Variants in TBKBP1 observed in about 807,000 individuals in gnomAD.
TBKBP1 encodes TBK1 binding protein 1, also known as TANK-binding kinase 1-binding protein 1.
A neutral mutation model predicts 69.9 loss-of-function variants in TBKBP1; 47 were observed. The observed-to-expected ratio is 0.67, with a 90% confidence interval of 0.53 to 0.86. TBKBP1 has a LOEUF of 0.86. Among genes scored for constraint, TBKBP1 ranks in the 40% least tolerant of loss-of-function variants. The pLI, the probability that TBKBP1 is intolerant of heterozygous loss-of-function variation, is 0.00. For missense variants in TBKBP1, 831 were observed against 858.6 expected (o/e 0.97, Z 0.40); for synonymous variants, 418 against 390.3 (o/e 1.07, Z -0.84).
Position 47,697,204 on chromosome 17 carries a change from G to C in TBKBP1, c.453+11G>C, listed in dbSNP as rs374102880. 13 of 1,607,610 alleles carry C rather than the reference G, an allele frequency of 8.1e-6. No homozygotes were observed. The African/African-American group carries it at 1.6e-4, about 20-fold the overall frequency. ...GAGCTGAGGGAGATGGTGAGGCCTGGGGAGCCGGAGGTGCTTGAGGATGTG... is the reference window on the plus strand; with the variant it reads ...GAGCTGAGGGAGATGGTGAGGCCTGCGGAGCCGGAGGTGCTTGAGGATGTG... On this transcript the variant is annotated intron_variant, in intron 4 of 9. Coordinates refer to ENST00000578982, the MANE Select transcript of TBKBP1 (RefSeq NM_001394755.1).
At chr17:47,699,602 G>A in intron 6 of TBKBP1, 34 bp from the exon 7 acceptor site, 1 of 1,614,020 alleles carries the variant, frequency 6.2e-7, no homozygotes, top group Non-Finnish European at 8.5e-7. Context: ...GCAGGGGTGA[G>A]CTTGGGCTCT....
Position 47,708,713 on chromosome 17 carries a change from T to C in TBKBP1, c.992-12T>C. On this transcript the variant is annotated splice_polypyrimidine_tract_variant and intron_variant, in intron 8 of 9. Coordinates refer to ENST00000578982, the MANE Select transcript of TBKBP1 (RefSeq NM_001394755.1). The surrounding 1 kb of genome is among the most constrained non-coding windows in gnomAD (Gnocchi z 4.4). Reference sequence around the variant, plus strand: ...CCTTTGTCCCCCCACCCCGTCCCGGTTTCTCTTCCAGGCCAGAGGCACTCG... The same window carrying C: ...CCTTTGTCCCCCCACCCCGTCCCGGCTTCTCTTCCAGGCCAGAGGCACTCG... 7.5e-7 allele frequency: 1 copy of C among 1,333,430 alleles called. No individual in the cohort carries two copies. The highest frequency in any genetic ancestry group is 9.7e-7 in the Non-Finnish European group (1 of 1,030,410). 82.6% of individuals were successfully genotyped at this position (1,333,430 alleles called of 1,614,324 possible). A position where few individuals can be genotyped will look rare whatever the true frequency, so the allele number is the denominator to read the frequency against.
At position 47,696,809 on chromosome 17, in the gene TBKBP1, A is replaced by G; in HGVS notation, c.324A>G (p.Gln108=). The G allele has an allele frequency of 4.3e-6, 7 of 1,613,934 alleles. No individual in the cohort carries two copies. The highest frequency in any genetic ancestry group is 5.9e-6 in the Non-Finnish European group (7 of 1,179,838). The part of the protein sequence containing the change: ...LLEVEKVSLQ[Q]RLNQFQHELQ... Reference sequence around the variant, plus strand: ...AGGTGGAGAAGGTCAGCCTGCAGCAACGGCTCAACCAGTTCCAGCATGAGG... The same window carrying G: ...AGGTGGAGAAGGTCAGCCTGCAGCAGCGGCTCAACCAGTTCCAGCATGAGG... The change falls in exon 3 of 10, where the codon CAA becomes CAG. Residue 108 remains glutamine, a synonymous_variant. Transcript: ENST00000578982.
At position 47,697,123 on chromosome 17, in the gene TBKBP1, G is replaced by A; in HGVS notation, c.383G>A (p.Gly128Glu). Residue 128 changes from glycine (G) to glutamate (E), a missense_variant, in exon 4 of 10, where the codon GGA becomes GAA. Gly to Glu is a moderately conservative substitution (Grantham distance 98, BLOSUM62 -2). Transcript: ENST00000578982. ...QKNKEQEEQL[G>E]EMIQAYEKLC... ...AACAAGGAGCAGGAAGAACAGCTTG[G>A]AGAGATGATCCAGGCCTACGAGAAA... 6.2e-7 allele frequency: 1 copy of A among 1,612,920 alleles called. No homozygotes were observed. Among genetic ancestry groups the A allele is most frequent in the Non-Finnish European group, 8.5e-7 (1 of 1,179,438 alleles).
chr17:47,699,728 G>C, intron 7 of TBKBP1, 31 bp downstream of exon 7: 2 of 1,613,716 alleles, frequency 1.2e-6, no homozygotes, highest in South Asian at 1.1e-5. Flanking sequence ...TGGTCCCTCC[G>C]TGATGTTTGG....
Position 47,708,926 on chromosome 17 carries a change from G to A in TBKBP1, c.1193G>A (p.Arg398His), listed in dbSNP as rs1597969508. 6.2e-6 allele frequency: 8 copies of A among 1,294,220 alleles called. No homozygotes were observed. Among genetic ancestry groups the A allele is most frequent in the South Asian group, 1.6e-5 (1 of 61,812 alleles). The allele number at this position is 1,294,220 out of a possible 1,614,324, so 80.2% of individuals were successfully genotyped here. Residue 398 changes from arginine (R) to histidine (H), a missense_variant, in exon 9 of 10, where the codon CGC (arginine) becomes CAC (histidine). Arg to His is a conservative substitution (Grantham distance 29). Transcript: ENST00000578982. This position sits in a 1 kb window ranked among gnomAD's most constrained non-coding sequence, Gnocchi z 4.4. ...TCCTGCCCGTCGCCCGTCCCGCAGC[G>A]CCGCTCGCCGGTGCCGCCGTCGTGC... Reference protein sequence around the residue: ...SPSCPSPVPQRRSPVPPSCQS... With the variant: ...SPSCPSPVPQHRSPVPPSCQS...
Position 47,710,788 on chromosome 17 carries a change from G to C in TBKBP1, c.*162G>C. On this transcript the variant is annotated 3_prime_UTR_variant, in exon 10 of 10. Coordinates refer to ENST00000578982, the MANE Select transcript of TBKBP1 (RefSeq NM_001394755.1). ...CGTGTGTGCCATCTTCCCTGGTCCA[G>C]GCACCACTCAGCTCTGGCTCTTCCT... 1.9e-6 allele frequency: 2 copies of C among 1,052,214 alleles called. No homozygotes were observed. Among genetic ancestry groups the C allele is most frequent in the Non-Finnish European group, 2.7e-6 (2 of 736,640 alleles). 65.2% of individuals were successfully genotyped at this position (1,052,214 alleles called of 1,614,324 possible). A position where few individuals can be genotyped will look rare whatever the true frequency, so the allele number is the denominator to read the frequency against.
rs2031821484 is a variant in TBKBP1 at position 47,709,158 on chromosome 17, C to T, written c.1425C>T (p.Ser475=). The change falls in exon 9 of 10, where the codon TCC becomes TCT. Residue 475 remains serine, a synonymous_variant. Transcript: ENST00000578982. ...LAEGAAYAGA[S]PPWLQAEAAT... is the part of the protein sequence containing the mutation. The stretch of plus-strand genomic sequence containing the variant: ...AGGGCGCGGCCTACGCGGGCGCCTC[C>T]CCGCCCTGGCTGCAGGCCGAAGCGG... 7.0e-7 allele frequency: 1 copy of T among 1,426,602 alleles called. No homozygotes were observed. The highest frequency in any genetic ancestry group is 3.0e-5 in the Admixed American group (1 of 33,256). 88.4% of individuals were successfully genotyped at this position (1,426,602 alleles called of 1,614,324 possible).
intron 7 of TBKBP1, among the ~76,000 whole-genome samples, chr17:47,700,647 C>T (rs1052045539): frequency 2.6e-5 from 4 of 152,100 alleles, no homozygotes; most frequent in African/African-American, 9.7e-5. Flanking sequence ...GCCTTGTCTG[C>T]TGATCTCAGG....
In TBKBP1 at chr17:47,699,392, C is replaced by T. The variant is rs756835766; in HGVS notation, c.707C>T (p.Ala236Val). ...CGGCTAGAAGAGGCTTTGGAGGCCGCGCAGGGAGAGGCCCGGGGGGCTCAG... is the reference window on the plus strand; with the variant it reads ...CGGCTAGAAGAGGCTTTGGAGGCCGTGCAGGGAGAGGCCCGGGGGGCTCAG... ...RRRLEEALEAAQGEARGAQLR... is the reference protein window; with the variant it reads ...RRRLEEALEAVQGEARGAQLR... The change falls in exon 6 of 10, where the codon GCG (alanine) becomes GTG (valine). Residue 236 changes from alanine to valine, a missense_variant. Physicochemically the swap from Ala to Val is moderately conservative, Grantham distance 64. Transcript: ENST00000578982. 4.9e-5 allele frequency: 77 copies of T among 1,566,858 alleles called. 1 individual carries two copies. The African/African-American group carries it at 6.9e-4, about 14-fold the overall frequency.
At position 47,710,703 on chromosome 17, in the gene TBKBP1, A is replaced by G; in HGVS notation, c.*77A>G. On this transcript the variant is annotated 3_prime_UTR_variant, in exon 10 of 10. Coordinates refer to ENST00000578982, the MANE Select transcript of TBKBP1 (RefSeq NM_001394755.1). ...AACACTCACTTTGAATGCTGCATGAATCTCGTGGGGGGTCCCTGCCCTTGC... is the reference window on the plus strand; with the variant it reads ...AACACTCACTTTGAATGCTGCATGAGTCTCGTGGGGGGTCCCTGCCCTTGC... The G allele has an allele frequency of 1.3e-6, 2 of 1,534,722 alleles. No individual in the cohort carries two copies. The highest frequency in any genetic ancestry group is 1.8e-6 in the Non-Finnish European group (2 of 1,131,086).
chr17:47,698,619 C>T lies in TBKBP1; in HGVS notation c.478C>T (p.Arg160Cys), dbSNP rs370345818. The change falls in exon 5 of 10, where the codon CGT becomes TGT. Residue 160 changes from arginine to cysteine, a missense_variant. Transcript: ENST00000578982. ...GAGGGCCCTGGTGGAGACGCACCTG[C>T]GTCAGATCTGTGGTTTGGAGCAGCA... is the stretch of plus-strand genomic sequence containing the variant. ...EMRALVETHL[R>C]QICGLEQQLR... is the part of the protein sequence containing the mutation. 103 of 1,597,690 alleles carry T rather than the reference C, an allele frequency of 6.4e-5. No individual in the cohort carries two copies. The highest frequency in any genetic ancestry group is 1.0e-4 in the Admixed American group (6 of 57,604).
At chr17:47,698,422 G>A (rs1040035820) in intron 4 of TBKBP1, among the ~76,000 whole-genome samples, 173 bp from the exon 5 acceptor site, 1 of 152,254 alleles carries the variant, frequency 6.6e-6, no homozygotes, top group Non-Finnish European at 1.5e-5. Flanking sequence ...AGGGGCAACA[G>A]CCCGCAACAG....
At chr17:47,709,549 T>C (rs1597971217) in intron 9 of TBKBP1, 97 bp downstream of exon 9, 2 of 1,386,326 alleles carry the variant, frequency 1.4e-6, no homozygotes, top group Non-Finnish European at 9.3e-7. Flanking sequence ...CCCTTTCGGG[T>C]GTCAGCGCAC....
At position 47,709,191 on chromosome 17, in the gene TBKBP1, C is replaced by T. The variant is rs781317390; in HGVS notation, c.1458C>T (p.Leu486=). The part of the protein sequence containing the change: ...PPWLQAEAAT[L]PKPRAYGSEL... ...GGCTGCAGGCCGAAGCGGCCACTCT[C>T]CCCAAGCCCCGGGCCTACGGCAGCG... Residue 486 remains leucine, a synonymous_variant, in exon 9 of 10, where the codon CTC becomes CTT. Transcript: ENST00000578982. The T allele has an allele frequency of 1.1e-4, 159 of 1,503,578 alleles. 3 individuals are homozygous for T. The South Asian group carries it at 1.9e-3, about 18-fold the overall frequency. 93.1% of individuals were successfully genotyped at this position (1,503,578 alleles called of 1,614,324 possible).
rs1053131107 is a variant in TBKBP1 at position 47,697,293 on chromosome 17, G to A, written c.453+100G>A. 49 of 1,016,312 alleles carry A rather than the reference G, an allele frequency of 4.8e-5. 1 individual carries two copies. The highest frequency in any genetic ancestry group is 4.2e-4 in the Middle Eastern group (2 of 4,754). The allele number at this position is 1,016,312 out of a possible 1,614,324, so 63.0% of individuals were successfully genotyped here. On this transcript the variant is annotated intron_variant, in intron 4 of 9. Transcript: ENST00000578982. Reference sequence around the variant, plus strand: ...TGTGTGAGGATTCCAGCCTGTGACAGTGCAGTCCCATGTGTCACACATCAC... The same window carrying A: ...TGTGTGAGGATTCCAGCCTGTGACAATGCAGTCCCATGTGTCACACATCAC...
intron 5 of TBKBP1, 135 bp from the exon 6 acceptor site, chr17:47,699,185 C>T: frequency 6.2e-6 from 6 of 969,652 alleles, no homozygotes; most frequent in South Asian, 5.6e-5. Context: ...CTGCCCTTGT[C>T]GCAGTCATCC....
intron 9 of TBKBP1, 80 bp downstream of exon 9, chr17:47,709,532 G>A (rs1283585953): frequency 2.9e-6 from 4 of 1,402,068 alleles, no homozygotes; most frequent in Non-Finnish European, 3.7e-6. Context: ...TCCGTTGAGG[G>A]CCTTGCCCCT....
Position 47,704,660 on chromosome 17 carries a change from C to T in TBKBP1, c.873-3734C>T, listed in dbSNP as rs551469329. On this transcript the variant is annotated intron_variant, in intron 7 of 9. Coordinates refer to ENST00000578982, the MANE Select transcript of TBKBP1 (RefSeq NM_001394755.1). ...CTAATCCTAACCCTTTTACTGCTCC[C>T]GTCCCTGACTCTAACCCTATCCCTG... Among the ~76,000 whole-genome samples the T allele has an allele frequency of 2.8e-4, 42 of 152,296 alleles. 1 individual carries two copies. Among genetic ancestry groups the T allele is most frequent in the East Asian group, 5.8e-4 (3 of 5,194 alleles).
Sources: gnomAD v4.1 joint callset for allele counts (sites outside exome capture counted in the v4.1 genomes callset) on GRCh38, gnomAD v4.1.1 for gene constraint, Gnocchi (gnomAD v3.1) non-coding constraint, MANE v1.5 for transcripts, NCBI Gene and HGNC (gene_info 2026-07-23, HGNC 2026-07-21) for gene names.